Variants in PLB1 observed in about 807,000 individuals in gnomAD.
PLB1 encodes phospholipase B1, membrane-associated.
PLB1 carries 242 observed loss-of-function variants against 227.4 expected under a neutral mutation model. That is an observed-to-expected ratio of 1.06 (90% confidence interval 0.96 to 1.18). PLB1 has a LOEUF of 1.18. Ranked by LOEUF, PLB1 falls within the 50% of genes most tolerant of loss-of-function variation. The probability of loss-of-function intolerance (pLI) is 0.00; values close to 1 mark genes in which losing one functional copy is unlikely to be tolerated. For missense variants in PLB1, 1,858 were observed against 1,816.3 expected, an observed-to-expected ratio of 1.02 and a Z score of -0.42; for synonymous variants, 757 against 682.2, an observed-to-expected ratio of 1.11 and a Z score of -1.71.
At chr2:28,509,213 A>G (rs1032377448) in intron 1 of PLB1, among the ~76,000 whole-genome samples, 4 of 152,240 alleles carry the variant, frequency 2.6e-5, no homozygotes, top group African/African-American at 9.6e-5. Flanking sequence ...AAGGAAATCC[A>G]TAAATTAAGA....
At chr2:28,623,438 C>T (rs1421428851) in intron 49 of PLB1, among the ~76,000 whole-genome samples, 1 of 152,158 alleles carries the variant, frequency 6.6e-6, no homozygotes, top group Non-Finnish European at 1.5e-5. Context: ...CTCTTAGTCA[C>T]ACCTTGAACC....
chr2:28,594,872 GAAAA>G (rs199528839), intron 33 of PLB1: 1 of 151,630 alleles, frequency 6.6e-6, no homozygotes, highest in African/African-American at 2.4e-5. Flanking sequence ...GAGGCTACAA[GAAAA>G]AAAACCAGAG....
chr2:28,577,879 C>T (rs1378922126), intron 21 of PLB1, among the ~76,000 whole-genome samples: 2 of 152,162 alleles, frequency 1.3e-5, no homozygotes, highest in Non-Finnish European at 2.9e-5. Flanking sequence ...TGAGAATCAC[C>T]CCCTCCTACG....
intron 21 of PLB1, among the ~76,000 whole-genome samples, chr2:28,575,026 A>G (rs961129825): frequency 6.6e-6 from 1 of 152,202 alleles, no homozygotes; most frequent in African/African-American, 2.4e-5. Flanking sequence ...CTTTGAGTAG[A>G]TACCCAGAAG....
chr2:28,630,885 G>A (rs753626322), intron 54 of PLB1, among the ~76,000 whole-genome samples: 1 of 152,142 alleles, frequency 6.6e-6, no homozygotes, highest in Admixed American at 6.5e-5. Flanking sequence ...TTCTCCCAGC[G>A]GGTAGGCAGC....
chr2:28,624,831 G>A (rs1277630863), intron 49 of PLB1, among the ~76,000 whole-genome samples: 1 of 152,200 alleles, frequency 6.6e-6, no homozygotes, highest in East Asian at 1.9e-4. Context: ...ATCCCAACCC[G>A]AGTGGCCGAT....
In PLB1 at chr2:28,541,185, T is replaced by TAAATAAATAAATAAATAAA. The variant is rs1553414256; in HGVS notation, c.775-522_775-521insAAATAAATAAATAAATAAA. ...AGACTCCGTCTCAAAAATAAATAAA[T>TAAATAAATAAATAAATAAA]TAAATAAATAAATAAATAAATAAGG... is the stretch of plus-strand genomic sequence containing the variant. On this transcript the variant is annotated intron_variant, in intron 12 of 57. Transcript: ENST00000327757. Among the ~76,000 whole-genome samples the TAAATAAATAAATAAATAAA allele has an allele frequency of 3.3e-4, 49 of 150,108 alleles. No homozygotes were observed. In the South Asian group the frequency reaches 6.1e-3, roughly 19 times the overall value.
chr2:28,591,767 C>A lies in PLB1; in HGVS notation c.2188+7C>A, dbSNP rs1033181925. 7 of 1,613,526 alleles carry A rather than the reference C, an allele frequency of 4.3e-6. No homozygotes were observed. The African/African-American group carries it at 8.0e-5, about 18-fold the overall frequency. On this transcript the variant is annotated splice_region_variant and intron_variant, in intron 31 of 57. Coordinates refer to ENST00000327757, the MANE Select transcript of PLB1 (RefSeq NM_153021.5). The stretch of plus-strand genomic sequence containing the variant: ...GCCTTGCACCCTACCTCAGGTAAGC[C>A]CCCTATGGCACAGCAGGACCCAGGG...
intron 51 of PLB1, among the ~76,000 whole-genome samples, chr2:28,626,960 T>C (rs1057302755): frequency 6.6e-6 from 1 of 152,216 alleles, no homozygotes; most frequent in African/African-American, 2.4e-5. Context: ...CTGTTCCTGA[T>C]GTTTCCATGG....
chr2:28,635,213 T>A (rs559457430), intron 56 of PLB1, among the ~76,000 whole-genome samples: 1 of 152,180 alleles, frequency 6.6e-6, no homozygotes, highest in Non-Finnish European at 1.5e-5. Context: ...GAAATAATTA[T>A]ACAGTCTAAT....
At chr2:28,604,082 C>G (rs370919121) in intron 40 of PLB1, 35 bp downstream of exon 40, 1 of 1,549,784 alleles carries the variant, frequency 6.5e-7, no homozygotes, top group East Asian at 2.2e-5. Flanking sequence ...TGTGTCCTCT[C>G]CCCTACGTTC....
At chr2:28,630,529 G>A in intron 53 of PLB1, 57 bp from the exon 54 acceptor site, 3 of 1,501,362 alleles carry the variant, frequency 2.0e-6, no homozygotes, top group Non-Finnish European at 2.8e-6. Flanking sequence ...CAGCCTCCCA[G>A]GAGGACAGAG....
chr2:28,591,827 C>T (rs1239827126), intron 31 of PLB1, 67 bp downstream of exon 31: 2 of 1,481,390 alleles, frequency 1.4e-6, no homozygotes, highest in Non-Finnish European at 1.9e-6. Flanking sequence ...GGTGAGTCCT[C>T]TGACCTGACT....
At chr2:28,502,733 C>G (rs1463513232) in intron 1 of PLB1, among the ~76,000 whole-genome samples, 1 of 152,156 alleles carries the variant, frequency 6.6e-6, no homozygotes. Context: ...CAATGTTTTA[C>G]AGTCTCATAA....
rs1233683101 is a variant in PLB1, at chr2:28,529,788, C to CTCTTT, written c.468+9_468+10insTCTTT. ...ACATGAAAGAGAACCTGGTAAGCAT[C>CTCTTT]CGTCCAACTCTGGCATGGCTGGGCT... On this transcript the variant is annotated intron_variant, in intron 8 of 57. Transcript: ENST00000327757. The CTCTTT allele has an allele frequency of 1.2e-6, 2 of 1,613,780 alleles. No individual in the cohort carries two copies. The highest frequency in any genetic ancestry group is 2.7e-5 in the African/African-American group (2 of 74,906).
intron 56 of PLB1, among the ~76,000 whole-genome samples, chr2:28,638,033 C>T (rs970129101): frequency 6.6e-6 from 1 of 152,080 alleles, no homozygotes; most frequent in Non-Finnish European, 1.5e-5. Context: ...TTCATCCATC[C>T]ATCAAACAAG....
At chr2:28,548,606 C>T (rs1365712012) in intron 14 of PLB1, 9 of 547,546 alleles carry the variant, frequency 1.6e-5, no homozygotes, top group East Asian at 4.1e-5. Context: ...TATATAAAAC[C>T]GATGCTGCTT....
In PLB1 at chr2:28,604,045, C is replaced by T. The variant is rs143758328; in HGVS notation, c.2854C>T (p.Arg952Trp). The T allele has an allele frequency of 7.5e-5, 121 of 1,612,788 alleles. No homozygotes were observed. The highest frequency in any genetic ancestry group is 8.7e-5 in the Non-Finnish European group (102 of 1,178,696). ...ARLEAFSRAYRSSMRELVGSG... is the reference protein window; with the variant it reads ...ARLEAFSRAYWSSMRELVGSG... ...GCTGGAGGCCTTCAGCCGAGCCTAC[C>T]GGGTAAGACCAAGAAGGGCACCATG... Residue 952 changes from arginine to tryptophan, a missense_variant and splice_region_variant, in exon 40 of 58, where the codon CGG becomes TGG. Physicochemically the swap from Arg to Trp is moderately radical, Grantham distance 101. Coordinates refer to ENST00000327757, the MANE Select transcript of PLB1 (RefSeq NM_153021.5).
chr2:28,629,627 G>A (rs1245634048), intron 53 of PLB1, among the ~76,000 whole-genome samples: 2 of 152,220 alleles, frequency 1.3e-5, no homozygotes, highest in Non-Finnish European at 2.9e-5. Context: ...AAGTGGGGGT[G>A]ATGACACCTT....
Sources: gnomAD v4.1 joint callset for allele counts (sites outside exome capture counted in the v4.1 genomes callset) on GRCh38, gnomAD v4.1.1 for gene constraint, MANE v1.5 for transcripts, NCBI Gene and HGNC (gene_info 2026-07-23, HGNC 2026-07-21) for gene names.